ZNF469: variants seen among roughly 807,000 people sequenced by gnomAD.
ZNF469 encodes the protein zinc finger protein 469.
A neutral mutation model predicts 1.0 loss-of-function variants in ZNF469; 1 was observed. The ratio of observed to expected loss-of-function variants is 1.00; its 90% CI spans 0.35 to 4.73. ZNF469 has a LOEUF of 4.73. Among genes scored for constraint, ZNF469 ranks in the 30% most tolerant of loss-of-function variants. The pLI is 0.16. For synonymous variants in ZNF469, 2,703 were observed against 2,363.4 expected (o/e 1.14, Z -4.17); for missense variants, 6,100 against 5,356.3 (o/e 1.14, Z -4.33).
the ZNF469 span, among the ~76,000 whole-genome samples, chr16:88,116,749 G>A: frequency 2.0e-5 from 3 of 152,136 alleles, no homozygotes; most frequent in Admixed American, 1.3e-4. Context: ...CCATGACGCT[G>A]TTTATGGAAC....
chr16:88,219,990 A>C, the ZNF469 span, among the ~76,000 whole-genome samples: 1 of 152,208 alleles, frequency 6.6e-6, no homozygotes, highest in Admixed American at 6.5e-5. Flanking sequence ...AAGCATCTGT[A>C]GATGTTTGCT....
chr16:88,260,565 G>C, the ZNF469 span, among the ~76,000 whole-genome samples: 3 of 152,226 alleles, frequency 2.0e-5, no homozygotes, highest in African/African-American at 7.2e-5. The surrounding 1 kb of genome is among the most constrained non-coding windows in gnomAD (Gnocchi z 4.1). Context: ...GGGTTTAGGA[G>C]AGTGGAGGGG....
At position 88,427,695 on chromosome 16, in the gene ZNF469, C is replaced by T. The variant is rs1049722407; in HGVS notation, c.225C>T (p.Pro75=). The T allele has an allele frequency of 5.9e-6, 9 of 1,532,534 alleles. No individual in the cohort carries two copies. In the African/African-American group the frequency reaches 9.6e-5, roughly 16 times the overall value. The allele number at this position is 1,532,534 out of a possible 1,614,324, so 94.9% of individuals were successfully genotyped here. ...AGGCCAGGGACGGGGAGCTCAAGCC[C>T]CCATCCCTGAGAGGCCAGGCCCCGA... ...PRQARDGELK[P]PSLRGQAPSS... is the part of the protein sequence containing the mutation. The change falls in exon 3 of 3, where the codon CCC becomes CCT. Residue 75 remains proline, a synonymous_variant. Coordinates refer to ENST00000565624, the MANE Select transcript of ZNF469 (RefSeq NM_001367624.2).
chr16:88,386,816 G>C (rs907670165), intron 1 of ZNF469, among the ~76,000 whole-genome samples: 1 of 152,212 alleles, frequency 6.6e-6, no homozygotes, highest in Non-Finnish European at 1.5e-5. Flanking sequence ...GTGGAAGGCA[G>C]TGGGTGGTTC....
At chr16:88,118,001 G>T in the ZNF469 span, among the ~76,000 whole-genome samples, 1 of 152,224 alleles carries the variant, frequency 6.6e-6, no homozygotes, top group South Asian at 2.1e-4. Flanking sequence ...GGAGTGCAGT[G>T]GCACGATCTC....
intron 1 of ZNF469, among the ~76,000 whole-genome samples, chr16:88,384,958 A>G (rs1567497191): frequency 6.6e-6 from 1 of 152,122 alleles, no homozygotes; most frequent in Non-Finnish European, 1.5e-5. Flanking sequence ...GCTGGAATGC[A>G]CTGGTCCATC....
chr16:88,113,033 C>A, the ZNF469 span, among the ~76,000 whole-genome samples: 203 of 152,206 alleles, frequency 1.3e-3, no homozygotes, highest in African/African-American at 4.7e-3. Context: ...CCGCCTTGGC[C>A]TCCCAAAGTG....
At chr16:88,154,509 G>T in the ZNF469 span, among the ~76,000 whole-genome samples, 2 of 152,308 alleles carry the variant, frequency 1.3e-5, no homozygotes, top group East Asian at 3.9e-4. Flanking sequence ...AAGAACCATG[G>T]TACCATCGTA....
chr16:88,239,491 CT>C, the ZNF469 span, among the ~76,000 whole-genome samples: 2,231 of 135,934 alleles, frequency 0.016, 55 homozygotes, highest in African/African-American at 0.052. Context: ...GATGGTCTCT[CT>C]TTTTTTTTTT....
chr16:88,434,393 C>T lies in ZNF469; in HGVS notation c.6923C>T (p.Pro2308Leu). The T allele has an allele frequency of 6.5e-7, 1 of 1,549,956 alleles. No homozygotes were observed. Among genetic ancestry groups the T allele is most frequent in the African/African-American group, 1.4e-5 (1 of 73,174 alleles). ...QAGRGLPGPD[P>L]QSRGAPPHTN... ...GGCAGGGGACTCCCAGGGCCAGACC[C>T]CCAGAGCAGGGGAGCCCCGCCCCAC... The change falls in exon 3 of 3, where the codon CCC becomes CTC. Residue 2308 changes from proline (P) to leucine (L), a missense_variant. Pro to Leu is a moderately conservative substitution (Grantham distance 98). Transcript: ENST00000565624.
the ZNF469 span, among the ~76,000 whole-genome samples, chr16:88,236,732 TG>T: frequency 6.6e-6 from 1 of 151,622 alleles, no homozygotes; most frequent in Non-Finnish European, 1.5e-5. Flanking sequence ...CCGGGCGTGG[TG>T]GGGGGTGCCT....
chr16:88,438,146 C>A lies in ZNF469; in HGVS notation c.10676C>A (p.Pro3559Gln). The A allele has an allele frequency of 1.3e-6, 2 of 1,550,342 alleles. No homozygotes were observed. The highest frequency in any genetic ancestry group is 2.4e-5 in the South Asian group (2 of 84,054). Residue 3559 changes from proline (P) to glutamine (Q), a missense_variant, in exon 3 of 3, where the codon CCA becomes CAA. By Grantham distance (76) the Pro-to-Gln change is moderately conservative. Coordinates refer to ENST00000565624, the MANE Select transcript of ZNF469 (RefSeq NM_001367624.2). ...CCCCCGCCGTCTCTGTCTCCCTTCC[C>A]AGCTGCCTTGGCTGATGGCAGAGGA... ...ECPPPSLSPF[P>Q]AALADGRGDC...
chr16:88,243,049 A>T, the ZNF469 span, among the ~76,000 whole-genome samples: 5 of 152,310 alleles, frequency 3.3e-5, no homozygotes, highest in African/African-American at 1.2e-4. Flanking sequence ...ACTGCTGGCC[A>T]GCCCGGGTAT....
the ZNF469 span, among the ~76,000 whole-genome samples, chr16:88,169,924 C>T: frequency 6.6e-6 from 1 of 152,192 alleles, no homozygotes; most frequent in Non-Finnish European, 1.5e-5. This position sits in a 1 kb window ranked among gnomAD's most constrained non-coding sequence, Gnocchi z 6.1. Flanking sequence ...GCTGGGGTTT[C>T]GAGATGCATT....
At chr16:88,367,628 G>A in the ZNF469 span, among the ~76,000 whole-genome samples, 3 of 152,220 alleles carry the variant, frequency 2.0e-5, no homozygotes, top group East Asian at 5.8e-4. Flanking sequence ...ACAAAAAGGT[G>A]TTTGTGTGAG....
At position 88,437,326 on chromosome 16, in the gene ZNF469, G is replaced by A. The variant is rs760598299; in HGVS notation, c.9856G>A (p.Ala3286Thr). The A allele has an allele frequency of 6.5e-7, 1 of 1,546,872 alleles. No homozygotes were observed. The highest frequency in any genetic ancestry group is 8.7e-7 in the Non-Finnish European group (1 of 1,145,318). ...CACCCCCAGCAACCCAGACGGGGCC[G>A]CGACCCCAGACAGCGCCTCTGCCAC... is the stretch of plus-strand genomic sequence containing the variant. ...RSTPSNPDGA[A>T]TPDSASATAL... The change falls in exon 3 of 3, where the codon GCG (alanine) becomes ACG (threonine). Residue 3286 changes from alanine to threonine, a missense_variant. By Grantham distance (58) the Ala-to-Thr change is moderately conservative. Coordinates refer to ENST00000565624, the MANE Select transcript of ZNF469 (RefSeq NM_001367624.2).
chr16:88,267,331 T>C, the ZNF469 span, among the ~76,000 whole-genome samples: 25,553 of 151,468 alleles, frequency 0.17, 5,395 homozygotes, highest in African/African-American at 0.51. Context: ...TCTGGCCCAG[T>C]GCCTTCTTGC....
At chr16:88,374,849 G>C in the ZNF469 span, among the ~76,000 whole-genome samples, 1 of 152,326 alleles carries the variant, frequency 6.6e-6, no homozygotes, top group African/African-American at 2.4e-5. Context: ...GGTTTTGCTA[G>C]CAGCTTGGGC....
the ZNF469 span, among the ~76,000 whole-genome samples, chr16:88,118,184 C>G: frequency 2.0e-5 from 3 of 152,224 alleles, no homozygotes; most frequent in African/African-American, 7.2e-5. Flanking sequence ...CTCAGGTGAT[C>G]TGCCCGTCTC....
Sources: allele counts gnomAD v4.1 joint callset (sites outside exome capture counted in the v4.1 genomes callset), GRCh38; gene constraint gnomAD v4.1.1; non-coding constraint Gnocchi (gnomAD v3.1); transcripts MANE v1.5; gene names NCBI Gene and HGNC (gene_info 2026-07-23, HGNC 2026-07-21).